BBX: variants seen among roughly 807,000 people sequenced by gnomAD.
BBX encodes BBX high mobility group box domain containing.
Under a neutral mutation model 100.2 loss-of-function variants are expected in BBX, and 30 were observed. The ratio of observed to expected loss-of-function variants is 0.30; its 90% confidence interval spans 0.22 to 0.41. The LOEUF is 0.41. Ranked by LOEUF, BBX falls within the 10% of genes least tolerant of loss-of-function variation. BBX has a pLI of 1.00. For synonymous variants in BBX, 376 were observed against 388.1 expected, an observed-to-expected ratio of 0.97 and a Z score of 0.37; for missense variants, 1,023 against 1,129.8, an observed-to-expected ratio of 0.91 and a Z score of 1.35.
At chr3:107,589,751 G>C (rs593867) in intron 2 of BBX, among the ~76,000 whole-genome samples, 113,865 of 152,088 alleles carry the variant, frequency 0.75, 43,939 homozygotes, top group Middle Eastern at 0.83. Flanking sequence ...ACAGAAATAA[G>C]TCAGAATTTC....
chr3:107,740,186 G>A (rs1053862488), intron 7 of BBX, among the ~76,000 whole-genome samples: 1 of 152,054 alleles, frequency 6.6e-6, no homozygotes, highest in East Asian at 1.9e-4. Context: ...CGAGTGCAGT[G>A]CGTTAGTAAC....
intron 12 of BBX, 115 bp downstream of exon 12, chr3:107,774,972 A>T (rs1416749935): frequency 8.7e-6 from 11 of 1,263,366 alleles, no homozygotes; most frequent in Non-Finnish European, 1.1e-5. Flanking sequence ...CTCGCTCAGG[A>T]CTTCCTACAA....
At chr3:107,751,154 T>C (rs1417783287) in intron 9 of BBX, among the ~76,000 whole-genome samples, 1 of 152,186 alleles carries the variant, frequency 6.6e-6, no homozygotes, top group Admixed American at 6.5e-5. Flanking sequence ...AACTTCACGG[T>C]GGAAGGGTCA....
intron 2 of BBX, among the ~76,000 whole-genome samples, chr3:107,571,197 A>G (rs1209456538): frequency 6.6e-6 from 1 of 152,062 alleles, no homozygotes; most frequent in Non-Finnish European, 1.5e-5. Context: ...GACACGGAGA[A>G]GGGGGTGGTG....
At chr3:107,596,397 T>C (rs1053064375) in intron 2 of BBX, among the ~76,000 whole-genome samples, 1 of 152,232 alleles carries the variant, frequency 6.6e-6, no homozygotes, top group Non-Finnish European at 1.5e-5. Flanking sequence ...TATTCACATC[T>C]GTGCACTCAT....
chr3:107,624,010 T>G (rs2055977861), intron 2 of BBX, among the ~76,000 whole-genome samples: 1 of 152,198 alleles, frequency 6.6e-6, no homozygotes, highest in Non-Finnish European at 1.5e-5. Flanking sequence ...TGACCACCCA[T>G]CGCACTTTAT....
chr3:107,693,083 A>C (rs1220368181), intron 3 of BBX, among the ~76,000 whole-genome samples: 2 of 145,546 alleles, frequency 1.4e-5, no homozygotes, highest in African/African-American at 5.2e-5. Flanking sequence ...AGTTCATTGT[A>C]GATTCTGGAT....
intron 2 of BBX, among the ~76,000 whole-genome samples, chr3:107,614,069 A>G (rs1169186197): frequency 1.4e-5 from 2 of 146,612 alleles, no homozygotes; most frequent in African/African-American, 5.1e-5. Context: ...CTCTTGCCTC[A>G]GCTTCCTGAC....
chr3:107,541,922 G>C (rs1326870386), intron 2 of BBX, among the ~76,000 whole-genome samples: 1 of 151,810 alleles, frequency 6.6e-6, no homozygotes, highest in Non-Finnish European at 1.5e-5. Flanking sequence ...GGGCTCAAGT[G>C]ATCCTTCTGC....
chr3:107,714,106 G>T (rs889994457), intron 4 of BBX, among the ~76,000 whole-genome samples: 1 of 151,160 alleles, frequency 6.6e-6, no homozygotes, highest in African/African-American at 2.4e-5. Context: ...CTCCAGAGGA[G>T]CTGGGATTAC....
chr3:107,698,211 T>C (rs1160209957), intron 3 of BBX, among the ~76,000 whole-genome samples: 1 of 151,884 alleles, frequency 6.6e-6, no homozygotes, highest in Non-Finnish European at 1.5e-5. Context: ...TCGGCCATCT[T>C]GGCTCCTCCC....
chr3:107,717,900 C>A (rs2062218503), intron 5 of BBX, among the ~76,000 whole-genome samples: 1 of 151,874 alleles, frequency 6.6e-6, no homozygotes, highest in South Asian at 2.1e-4. Context: ...TCATGAAAAC[C>A]CCTGTCACCC....
intron 7 of BBX, among the ~76,000 whole-genome samples, chr3:107,737,889 T>TTTTTTTG (rs2063754272): frequency 1.5e-5 from 2 of 129,554 alleles, no homozygotes; most frequent in Non-Finnish European, 3.3e-5. Context: ...TTCCAGTTTT[T>TTTTTTTG]TTTTTTTTTT....
At chr3:107,593,143 C>G (rs1365626) in intron 2 of BBX, among the ~76,000 whole-genome samples, 1,728 of 152,212 alleles carry the variant, frequency 0.011, 26 homozygotes, top group African/African-American at 0.039. Context: ...ATTAATCAAC[C>G]AATATAAAAG....
intron 2 of BBX, among the ~76,000 whole-genome samples, chr3:107,575,657 AT>A (rs36057521): frequency 6.6e-5 from 10 of 150,892 alleles, no homozygotes; most frequent in South Asian, 4.2e-4. Context: ...CCATGGCTGA[AT>A]TTTTTTTTTA....
At chr3:107,562,782 A>C (rs1297584433) in intron 2 of BBX, among the ~76,000 whole-genome samples, 3 of 152,222 alleles carry the variant, frequency 2.0e-5, no homozygotes, top group Non-Finnish European at 4.4e-5. Context: ...AAGAAGAATC[A>C]GGTTACATGT....
chr3:107,800,756 C>T (rs2070361178), intron 16 of BBX, among the ~76,000 whole-genome samples: 1 of 152,216 alleles, frequency 6.6e-6, no homozygotes, highest in Admixed American at 6.5e-5. Flanking sequence ...ACAGCATCTA[C>T]AGGCCCCTCT....
chr3:107,601,050 T>G (rs2054029996), intron 2 of BBX, among the ~76,000 whole-genome samples: 1 of 152,336 alleles, frequency 6.6e-6, no homozygotes, highest in Non-Finnish European at 1.5e-5. Flanking sequence ...TTTTCATTAT[T>G]ATCATATCTG....
intron 2 of BBX, among the ~76,000 whole-genome samples, chr3:107,560,877 T>C (rs2050442832): frequency 1.3e-5 from 2 of 152,188 alleles, no homozygotes; most frequent in African/African-American, 4.8e-5. Flanking sequence ...TGTAACAATC[T>C]AATTAAGAAG....
Sources: allele counts gnomAD v4.1 joint callset (sites outside exome capture counted in the v4.1 genomes callset), GRCh38; gene constraint gnomAD v4.1.1; transcripts MANE v1.5; gene names NCBI Gene and HGNC (gene_info 2026-07-23, HGNC 2026-07-21).